Variants in PPP1R21 observed in about 807,000 individuals in gnomAD.
PPP1R21 encodes the protein protein phosphatase 1 regulatory subunit 21.
PPP1R21 carries 85 observed loss-of-function variants against 112.8 expected under a neutral mutation model. The observed-to-expected ratio is 0.75, with a 90% CI of 0.63 to 0.90. PPP1R21 has a LOEUF of 0.90. Among genes scored for constraint, PPP1R21 ranks in the 40% least tolerant of loss-of-function variants. The pLI, the probability that PPP1R21 is intolerant of heterozygous loss-of-function variation, is 0.00. For missense variants in PPP1R21, 1,199 were observed against 901.5 expected, an observed-to-expected ratio of 1.33 and a Z score of -4.23; for synonymous variants, 381 against 322.3, an observed-to-expected ratio of 1.18 and a Z score of -1.95.
chr2:48,487,540 A>G (rs1669360603), intron 14 of PPP1R21, among the ~76,000 whole-genome samples: 1 of 152,122 alleles, frequency 6.6e-6, no homozygotes, highest in African/African-American at 2.4e-5. Flanking sequence ...AGGCGAGAGT[A>G]TTGCTTGAGC....
intron 17 of PPP1R21, among the ~76,000 whole-genome samples, chr2:48,502,207 G>C (rs1179364461): frequency 1.3e-5 from 2 of 152,136 alleles, no homozygotes; most frequent in East Asian, 3.9e-4. Context: ...GACCTTAGTT[G>C]GGTTTGGTGA....
chr2:48,507,396 A>T lies in PPP1R21; in HGVS notation c.2085+11A>T, dbSNP rs750748783. 3 of 1,592,486 alleles carry T rather than the reference A, an allele frequency of 1.9e-6. No individual in the cohort carries two copies. The highest frequency in any genetic ancestry group is 2.7e-5 in the African/African-American group (2 of 73,364). Reference sequence around the variant, plus strand: ...CATTTTTATGCCGAGGTGAGTGTAGATTTAATTAGATTGGTGGTTTTTTTC... The same window carrying T: ...CATTTTTATGCCGAGGTGAGTGTAGTTTTAATTAGATTGGTGGTTTTTTTC... On this transcript the variant is annotated intron_variant, in intron 19 of 21. Coordinates refer to ENST00000294952, the MANE Select transcript of PPP1R21 (RefSeq NM_001135629.3).
At chr2:48,454,545 A>G (rs1667627235) in intron 2 of PPP1R21, 50 bp from the exon 3 acceptor site, 1 of 1,604,356 alleles carries the variant, frequency 6.2e-7, no homozygotes, top group South Asian at 1.1e-5. Context: ...TAAAATTTCT[A>G]AACCTTACAG....
chr2:48,502,182 G>A (rs1558517608), intron 17 of PPP1R21, among the ~76,000 whole-genome samples: 3 of 152,098 alleles, frequency 2.0e-5, no homozygotes, highest in Non-Finnish European at 4.4e-5. Flanking sequence ...ACACTATTGG[G>A]CCATGAGTGA....
intron 18 of PPP1R21, 121 bp from the exon 19 acceptor site, chr2:48,507,148 G>A: frequency 2.2e-6 from 3 of 1,340,374 alleles, no homozygotes; most frequent in Non-Finnish European, 2.9e-6. Flanking sequence ...TAGGAAAACA[G>A]TGATTCCCCA....
At chr2:48,481,648 G>A (rs1281306451) in intron 13 of PPP1R21, among the ~76,000 whole-genome samples, 18 of 152,136 alleles carry the variant, frequency 1.2e-4, no homozygotes, top group Non-Finnish European at 2.9e-5. Context: ...GAAGCTGAGT[G>A]GGAAGATCAC....
chr2:48,447,310 C>T (rs1558413925), intron 1 of PPP1R21, among the ~76,000 whole-genome samples: 1 of 151,856 alleles, frequency 6.6e-6, no homozygotes, highest in Admixed American at 6.6e-5. Context: ...GCTGTGCTCT[C>T]AAAGTAAGGG....
At chr2:48,483,373 G>T (rs777856516) in intron 13 of PPP1R21, among the ~76,000 whole-genome samples, 6 of 151,858 alleles carry the variant, frequency 4.0e-5, no homozygotes, top group Non-Finnish European at 7.4e-5. Context: ...AATAGAGACA[G>T]GGTTTCGCCA....
chr2:48,489,370 G>T (rs1381755481), intron 14 of PPP1R21, among the ~76,000 whole-genome samples: 1 of 151,370 alleles, frequency 6.6e-6, no homozygotes, highest in Non-Finnish European at 1.5e-5. Flanking sequence ...ACATGATGGT[G>T]TGCGTCTGTG....
chr2:48,493,455 A>G (rs921704917), intron 15 of PPP1R21, among the ~76,000 whole-genome samples: 38 of 152,216 alleles, frequency 2.5e-4, no homozygotes, highest in Non-Finnish European at 5.0e-4. Flanking sequence ...GTATCATCAA[A>G]TAGGTCTTTT....
Position 48,479,928 on chromosome 2 carries a change from A to G in PPP1R21, c.1230A>G (p.Thr410=). Residue 410 remains threonine (T), a synonymous_variant, in exon 13 of 22, where the codon ACA becomes ACG. Coordinates refer to ENST00000294952, the MANE Select transcript of PPP1R21 (RefSeq NM_001135629.3). ...TTTGTGATTTTGATTTCCTAGGTAC[A>G]GAGCCAGATGGACTCCTTCGGACAA... ...TYIALLALPS[T]EPDGLLRTNY... is the part of the protein sequence containing the mutation. 1 of 1,601,384 alleles carries G rather than the reference A, an allele frequency of 6.2e-7. No individual in the cohort carries two copies. Among genetic ancestry groups the G allele is most frequent in the South Asian group, 1.1e-5 (1 of 90,768 alleles).
chr2:48,441,905 T>G (rs1179839167), intron 1 of PPP1R21, among the ~76,000 whole-genome samples: 2 of 152,222 alleles, frequency 1.3e-5, no homozygotes, highest in Non-Finnish European at 2.9e-5. Context: ...TTTTGCAATT[T>G]GGAGAAACTG....
At chr2:48,471,540 A>G in intron 11 of PPP1R21, 173 bp downstream of exon 11, 1 of 618,324 alleles carries the variant, frequency 1.6e-6, no homozygotes, top group South Asian at 2.9e-5. Flanking sequence ...ATTAACTTAA[A>G]TTTAAGAAAG....
intron 1 of PPP1R21, 169 bp downstream of exon 1, chr2:48,441,179 C>T: frequency 1.6e-6 from 1 of 630,620 alleles, no homozygotes; most frequent in South Asian, 1.8e-5. Context: ...CTGCAGCTCC[C>T]AGGAGATGGG....
chr2:48,471,374 AC>A lies in PPP1R21; in HGVS notation c.1088+12del. On this transcript the variant is annotated splice_region_variant and intron_variant, in intron 11 of 21. Coordinates refer to ENST00000294952, the MANE Select transcript of PPP1R21 (RefSeq NM_001135629.3). Reference sequence around the variant, plus strand: ...TTCCCTATCAGTTAAAAAGGTAGTTACCCCCGGAGGCCAGGGAACTTGGGGA... The same window carrying A: ...TTCCCTATCAGTTAAAAAGGTAGTTACCCCGGAGGCCAGGGAACTTGGGGA... 6.2e-7 allele frequency: 1 copy of A among 1,600,414 alleles called. No individual in the cohort carries two copies. Among genetic ancestry groups the A allele is most frequent in the Non-Finnish European group, 8.5e-7 (1 of 1,175,352 alleles).
chr2:48,510,857 C>T (rs1035196230), intron 20 of PPP1R21, among the ~76,000 whole-genome samples: 1 of 152,178 alleles, frequency 6.6e-6, no homozygotes. Context: ...CAATTTTATA[C>T]CTGGCATAGA....
chr2:48,444,955 A>G (rs1667184124), intron 1 of PPP1R21, among the ~76,000 whole-genome samples: 1 of 151,144 alleles, frequency 6.6e-6, no homozygotes, highest in Non-Finnish European at 1.5e-5. Context: ...CTTCCTTTGC[A>G]TATAAAGGGA....
intron 9 of PPP1R21, among the ~76,000 whole-genome samples, chr2:48,469,291 GTGTGTA>G (rs376780006): frequency 0.47 from 31,437 of 66,836 alleles, 7,409 homozygotes; most frequent in Middle Eastern, 0.54. Flanking sequence ...GTGTGTGTGT[GTGTGTA>G]TGTATATATA....
chr2:48,499,234 C>T (rs754371917), intron 17 of PPP1R21, among the ~76,000 whole-genome samples: 30 of 152,106 alleles, frequency 2.0e-4, no homozygotes, highest in Non-Finnish European at 3.5e-4. Context: ...GGTTAGTAAG[C>T]AGGATATCTC....
Sources: gnomAD v4.1 joint callset for allele counts (sites outside exome capture counted in the v4.1 genomes callset) on GRCh38, gnomAD v4.1.1 for gene constraint, MANE v1.5 for transcripts, NCBI Gene and HGNC (gene_info 2026-07-23, HGNC 2026-07-21) for gene names.